The following NWD2 variants were observed in gnomAD, a reference collection of about 807,000 sequenced individuals.
The protein encoded by NWD2 is NACHT and WD repeat domain-containing protein 2.
In NWD2, 37 loss-of-function variants were observed where a neutral mutation model predicts 132.7. That is an observed-to-expected ratio of 0.28 (90% CI 0.21 to 0.37). The LOEUF (loss-of-function observed/expected upper bound fraction) is 0.37. Ranked by LOEUF, NWD2 falls within the 10% of genes least tolerant of loss-of-function variation. The probability of loss-of-function intolerance (pLI) is 1.00; values close to 1 mark genes in which losing one functional copy is unlikely to be tolerated. For synonymous variants in NWD2, 705 were observed against 803.0 expected, an observed-to-expected ratio of 0.88 and a Z score of 2.06; for missense variants, 1,592 against 2,122.4, an observed-to-expected ratio of 0.75 and a Z score of 4.91.
intron 4 of NWD2, 100 bp downstream of exon 4, chr4:37,430,875 C>T: frequency 9.9e-7 from 1 of 1,006,872 alleles, no homozygotes; most frequent in South Asian, 1.5e-5. Flanking sequence ...GCAGAGTAGA[C>T]AGAAAGTTAC....
intron 3 of NWD2, among the ~76,000 whole-genome samples, chr4:37,382,335 T>G (rs192376540): frequency 6.6e-6 from 1 of 152,292 alleles, no homozygotes; most frequent in East Asian, 1.9e-4. Context: ...ACACCTGCAC[T>G]CCAGTGAACC....
intron 3 of NWD2, among the ~76,000 whole-genome samples, chr4:37,426,612 A>G (rs1168640407): frequency 6.6e-6 from 1 of 152,184 alleles, no homozygotes; most frequent in Non-Finnish European, 1.5e-5. Context: ...CTGCCCCTTC[A>G]GTACTCGTTA....
At chr4:37,408,996 T>C (rs1721100304) in intron 3 of NWD2, among the ~76,000 whole-genome samples, 1 of 151,950 alleles carries the variant, frequency 6.6e-6, no homozygotes, top group Non-Finnish European at 1.5e-5. Context: ...AAAGACCCCA[T>C]CCAAAGGTCA....
intron 1 of NWD2, among the ~76,000 whole-genome samples, chr4:37,274,022 T>C (rs1490339402): frequency 1.3e-5 from 2 of 152,020 alleles, no homozygotes; most frequent in Non-Finnish European, 2.9e-5. Flanking sequence ...TTAAAAGAAC[T>C]AGAGAAGCAA....
chr4:37,339,401 T>C (rs1475353086), intron 2 of NWD2, among the ~76,000 whole-genome samples: 5 of 152,218 alleles, frequency 3.3e-5, no homozygotes, highest in Admixed American at 3.3e-4. Flanking sequence ...TTTGTACTCA[T>C]AGGCAATCTT....
chr4:37,439,404 C>T lies in NWD2; in HGVS notation c.1296+14C>T. On this transcript the variant is annotated intron_variant, in intron 6 of 6. Coordinates refer to ENST00000309447, the MANE Select transcript of NWD2 (RefSeq NM_001144990.2). The surrounding 1 kb of genome is among the most constrained non-coding windows in gnomAD (Gnocchi z 4.5). The stretch of plus-strand genomic sequence containing the variant: ...GTAGCAAAGAAGGTAAAAGCCTATT[C>T]TTTCCCGTGTATATTTGTAAAAACT... 5 of 1,401,418 alleles carry T rather than the reference C, an allele frequency of 3.6e-6. No individual in the cohort carries two copies. Among genetic ancestry groups the T allele is most frequent in the Non-Finnish European group, 4.7e-6 (5 of 1,060,824 alleles). 86.8% of individuals were successfully genotyped at this position (1,401,418 alleles called of 1,614,324 possible).
At chr4:37,267,641 A>G (rs1053847549) in intron 1 of NWD2, among the ~76,000 whole-genome samples, 6 of 152,020 alleles carry the variant, frequency 3.9e-5, no homozygotes, top group African/African-American at 1.2e-4. Flanking sequence ...AATTTGAAAT[A>G]ATAGAAATCC....
At chr4:37,312,321 G>A (rs1718863248) in intron 1 of NWD2, among the ~76,000 whole-genome samples, 1 of 150,752 alleles carries the variant, frequency 6.6e-6, no homozygotes, top group Non-Finnish European at 1.5e-5. Context: ...GTGGTTTGTA[G>A]TTCTCCTTGA....
intron 2 of NWD2, among the ~76,000 whole-genome samples, chr4:37,339,444 G>A (rs1161791261): frequency 6.6e-6 from 1 of 152,168 alleles, no homozygotes; most frequent in African/African-American, 2.4e-5. Context: ...ATACAGCAGT[G>A]ACATTGTGGG....
At chr4:37,358,416 G>A (rs190424888) in intron 3 of NWD2, among the ~76,000 whole-genome samples, 8 of 150,216 alleles carry the variant, frequency 5.3e-5, no homozygotes, top group African/African-American at 2.0e-4. Context: ...GCAAAAGAAG[G>A]CCTGAAAGTT....
chr4:37,405,238 T>G (rs557675574), intron 3 of NWD2, among the ~76,000 whole-genome samples: 1 of 152,290 alleles, frequency 6.6e-6, no homozygotes, highest in Admixed American at 6.5e-5. Flanking sequence ...TCAGGGGCAC[T>G]TGCCTGCAGG....
At chr4:37,329,758 TGATATGACTTACCATTAA>T (rs1271670484) in intron 2 of NWD2, among the ~76,000 whole-genome samples, 1 of 151,202 alleles carries the variant, frequency 6.6e-6, no homozygotes, top group African/African-American at 2.4e-5. Context: ...AAGAGTGAGG[TGATATGACTTACCATTAA>T]GAGGTTTGCT....
At chr4:37,336,627 A>G (rs1481590962) in intron 2 of NWD2, among the ~76,000 whole-genome samples, 1 of 152,222 alleles carries the variant, frequency 6.6e-6, no homozygotes, top group East Asian at 1.9e-4. Flanking sequence ...AAAATTAAAA[A>G]TCCAGAAAAT....
In NWD2 at chr4:37,274,959, G is replaced by C. The variant is rs1230078579; in HGVS notation, c.151+29741G>C. On this transcript the variant is annotated intron_variant, in intron 1 of 6. Coordinates refer to ENST00000309447, the MANE Select transcript of NWD2 (RefSeq NM_001144990.2). Reference sequence around the variant, plus strand: ...ATAATAAGAGCTATCTATGACAAATGCACAGCCAATATCATACTGAATGGA... The same window carrying C: ...ATAATAAGAGCTATCTATGACAAATCCACAGCCAATATCATACTGAATGGA... Among the ~76,000 whole-genome samples, 4 of 152,114 alleles carry C rather than the reference G, an allele frequency of 2.6e-5. No homozygotes were observed. The East Asian group carries it at 5.8e-4, about 22-fold the overall frequency.
chr4:37,309,046 T>C (rs1718774422), intron 1 of NWD2, among the ~76,000 whole-genome samples: 1 of 152,210 alleles, frequency 6.6e-6, no homozygotes, highest in Non-Finnish European at 1.5e-5. Context: ...ACAGGAGCTC[T>C]GCTGCTGAAG....
rs766851286 is a variant in NWD2 at position 37,446,470 on chromosome 4, C to T, written c.4482C>T (p.Ile1494=). ...TAATCCCTGACTGTCCTGATATCAT[C>T]GTGTTTATCACATCGGCCGAGACTG... The part of the protein sequence containing the change: ...FKLIPDCPDI[I]VFITSAETVN... The change falls in exon 7 of 7, where the codon ATC becomes ATT. Residue 1494 remains isoleucine, a synonymous_variant. Coordinates refer to ENST00000309447, the MANE Select transcript of NWD2 (RefSeq NM_001144990.2). This position sits in a 1 kb window ranked among gnomAD's most constrained non-coding sequence, Gnocchi z 6.7. 7.1e-6 allele frequency: 11 copies of T among 1,551,576 alleles called. No homozygotes were observed. Among genetic ancestry groups the T allele is most frequent in the African/African-American group, 4.1e-5 (3 of 73,020 alleles).
Position 37,439,161 on chromosome 4 carries a change from C to T in NWD2, c.1067C>T (p.Ala356Val). The T allele has an allele frequency of 6.5e-7, 1 of 1,549,984 alleles. No individual in the cohort carries two copies. Among genetic ancestry groups the T allele is most frequent in the Non-Finnish European group, 8.7e-7 (1 of 1,146,064 alleles). Reference protein sequence around the residue: ...FYEDMIDIIQATIQQNFDTET... With the variant: ...FYEDMIDIIQVTIQQNFDTET... ...GAGGACATGATTGATATAATTCAGG[C>T]AACGATACAACAGAATTTTGACACT... The change falls in exon 6 of 7, where the codon GCA becomes GTA. Residue 356 changes from alanine to valine, a missense_variant. By Grantham distance (64) the Ala-to-Val change is moderately conservative. Coordinates refer to ENST00000309447, the MANE Select transcript of NWD2 (RefSeq NM_001144990.2). The surrounding 1 kb of genome is among the most constrained non-coding windows in gnomAD (Gnocchi z 4.5).
chr4:37,446,604 G>C lies in NWD2; in HGVS notation c.4616G>C (p.Gly1539Ala). 6.4e-7 allele frequency: 1 copy of C among 1,551,536 alleles called. No homozygotes were observed. Among genetic ancestry groups the C allele is most frequent in the Non-Finnish European group, 8.7e-7 (1 of 1,146,996 alleles). ...DFEISPNGKL[G>A]IIARGDENIN... The stretch of plus-strand genomic sequence containing the variant: ...GAAATTTCTCCCAATGGAAAGCTAG[G>C]CATTATAGCCAGGGGAGATGAAAAC... Residue 1539 changes from glycine to alanine, a missense_variant, in exon 7 of 7, where the codon GGC becomes GCC. Gly to Ala is a moderately conservative substitution (Grantham distance 60). Coordinates refer to ENST00000309447, the MANE Select transcript of NWD2 (RefSeq NM_001144990.2). The surrounding 1 kb of genome is among the most constrained non-coding windows in gnomAD (Gnocchi z 6.7).
chr4:37,296,238 C>T (rs946204360), intron 1 of NWD2, among the ~76,000 whole-genome samples: 1 of 152,162 alleles, frequency 6.6e-6, no homozygotes, highest in African/African-American at 2.4e-5. Context: ...GGAGAAAATA[C>T]ACGTGCTAGA....
Sources: gnomAD v4.1 joint callset for allele counts (sites outside exome capture counted in the v4.1 genomes callset) on GRCh38, gnomAD v4.1.1 for gene constraint, Gnocchi (gnomAD v3.1) non-coding constraint, MANE v1.5 for transcripts, NCBI Gene and HGNC (gene_info 2026-07-23, HGNC 2026-07-21) for gene names.